The following FAM3C variants were observed in gnomAD, a reference collection of about 807,000 sequenced individuals.
The protein encoded by FAM3C is FAM3 metabolism regulating signaling molecule C, also known as protein FAM3C.
In FAM3C, 15 loss-of-function variants were observed where a neutral mutation model predicts 32.5. The observed-to-expected ratio is 0.46, with a 90% CI of 0.31 to 0.71. FAM3C has a LOEUF of 0.71. FAM3C is among the 30% of genes least tolerant of loss of function. The pLI is 0.05. For synonymous variants in FAM3C, 75 were observed against 86.1 expected (o/e 0.87, Z 0.72); for missense variants, 175 against 274.4 (o/e 0.64, Z 2.56).
chr7:121,389,762 C>CA (rs111461752), intron 1 of FAM3C, among the ~76,000 whole-genome samples: 4,258 of 126,688 alleles, frequency 0.034, 111 homozygotes, highest in South Asian at 0.16. Context: ...AGGAAAGTGG[C>CA]AAAAAAAAAA....
intron 1 of FAM3C, among the ~76,000 whole-genome samples, chr7:121,395,438 A>G (rs1445484407): frequency 6.6e-6 from 1 of 151,348 alleles, no homozygotes; most frequent in Admixed American, 6.6e-5. Context: ...TAGCAGTTCT[A>G]TATTACAGGC....
At chr7:121,368,779 G>A (rs989022335) in intron 5 of FAM3C, among the ~76,000 whole-genome samples, 6 of 151,862 alleles carry the variant, frequency 4.0e-5, no homozygotes, top group South Asian at 4.2e-4. Flanking sequence ...CCTCCTGCTC[G>A]AAGACCAAGG....
chr7:121,361,089 CTCATTTG>C (rs1347154402), intron 7 of FAM3C, among the ~76,000 whole-genome samples: 4 of 152,156 alleles, frequency 2.6e-5, no homozygotes, highest in African/African-American at 7.2e-5. Flanking sequence ...ACAGTCATTA[CTCATTTG>C]ATCTACCAAA....
intron 8 of FAM3C, 187 bp from the exon 9 acceptor site, chr7:121,351,456 C>A: frequency 2.0e-6 from 1 of 489,330 alleles, no homozygotes; most frequent in Non-Finnish European, 3.5e-6. Context: ...AAGACATGAA[C>A]TCCAACAATT....
At chr7:121,351,012 G>C in intron 9 of FAM3C, 131 bp downstream of exon 9, 1 of 877,082 alleles carries the variant, frequency 1.1e-6, no homozygotes, top group Non-Finnish European at 1.7e-6. Flanking sequence ...TGATTACCAA[G>C]AATTTATGAC....
chr7:121,357,225 G>C (rs1283775533), intron 8 of FAM3C, among the ~76,000 whole-genome samples: 1 of 152,148 alleles, frequency 6.6e-6, no homozygotes, highest in Non-Finnish European at 1.5e-5. Context: ...GACGACGAGA[G>C]AGAGAGAGTG....
intron 8 of FAM3C, among the ~76,000 whole-genome samples, chr7:121,354,328 C>G (rs1368290866): frequency 6.6e-6 from 1 of 152,036 alleles, no homozygotes; most frequent in Non-Finnish European, 1.5e-5. Flanking sequence ...AAATTTATGT[C>G]AAATATATTA....
At chr7:121,382,912 G>T (rs200243813) in intron 2 of FAM3C, 45 bp downstream of exon 2, 4 of 1,449,880 alleles carry the variant, frequency 2.8e-6, no homozygotes, top group Non-Finnish European at 2.9e-6. Flanking sequence ...TAACAAACAG[G>T]TTACACAAAA....
At chr7:121,392,318 A>G (rs1029345234) in intron 1 of FAM3C, among the ~76,000 whole-genome samples, 1 of 152,230 alleles carries the variant, frequency 6.6e-6, no homozygotes, top group Non-Finnish European at 1.5e-5. Flanking sequence ...AGGTGTCAGG[A>G]AACTTACAAT....
chr7:121,349,469 C>T lies in FAM3C; in HGVS notation c.*992G>A, dbSNP rs1210242757. The T allele has an allele frequency of 2.0e-5, 3 of 152,052 alleles. No individual in the cohort carries two copies. Among genetic ancestry groups the T allele is most frequent in the Non-Finnish European group, 4.4e-5 (3 of 68,024 alleles). The allele number at this position is 152,052 out of a possible 1,614,324, so 9.4% of individuals were successfully genotyped here. On this transcript the variant is annotated 3_prime_UTR_variant, in exon 10 of 10. Transcript: ENST00000359943. ...ATTTTTTAAATGTTATCAGTCCGCC[C>T]AGTAATAAGAACTTTTGTAAATATG...
At chr7:121,382,769 T>C (rs1037054669) in intron 2 of FAM3C, among the ~76,000 whole-genome samples, 188 bp downstream of exon 2, 1 of 151,652 alleles carries the variant, frequency 6.6e-6, no homozygotes, top group East Asian at 1.9e-4. Context: ...AAAAAAAAAA[T>C]TTATGTGATA....
Position 121,348,929 on chromosome 7 carries a change from T to TAA in FAM3C, c.*1530_*1531dup. 6.6e-6 allele frequency: 1 copy of TAA among 152,518 alleles called. No individual in the cohort carries two copies. 9.4% of individuals were successfully genotyped at this position (152,518 alleles called of 1,614,324 possible). A position where few individuals can be genotyped will look rare whatever the true frequency, so the allele number is the denominator to read the frequency against. On this transcript the variant is annotated 3_prime_UTR_variant, in exon 10 of 10. Coordinates refer to ENST00000359943, the MANE Select transcript of FAM3C (RefSeq NM_014888.3). ...ATTTATTTCACAATCCCTGGAACTG[T>TAA]AAAATAACTATTCTTTTAATTTACA...
intron 1 of FAM3C, among the ~76,000 whole-genome samples, chr7:121,390,862 G>T (rs1476149718): frequency 1.2e-4 from 4 of 32,908 alleles, no homozygotes; most frequent in Non-Finnish European, 3.0e-4. Context: ...GCGGGGGGGG[G>T]GGGGGGGGGG....
rs188940828 is a variant in FAM3C, at chr7:121,379,768, C to T, written c.14-754G>A. Among the ~76,000 whole-genome samples the T allele has an allele frequency of 1.6e-3, 238 of 152,196 alleles. 1 individual carries two copies. The highest frequency in any genetic ancestry group is 2.0e-3 in the Non-Finnish European group (138 of 68,014). On this transcript the variant is annotated intron_variant, in intron 2 of 9. Coordinates refer to ENST00000359943, the MANE Select transcript of FAM3C (RefSeq NM_014888.3). ...ACTCTACTGATAACTACATGGGGAGCGGGACAGGGAGTATGTAGAAAATCT... is the reference window on the plus strand; with the variant it reads ...ACTCTACTGATAACTACATGGGGAGTGGGACAGGGAGTATGTAGAAAATCT...
intron 5 of FAM3C, among the ~76,000 whole-genome samples, chr7:121,366,742 G>A (rs1794030583): frequency 6.6e-6 from 1 of 152,184 alleles, no homozygotes; most frequent in South Asian, 2.1e-4. Context: ...CTAGCTTGGA[G>A]CATATACATT....
At chr7:121,383,057 C>A in intron 1 of FAM3C, 47 bp from the exon 2 acceptor site, 1 of 1,011,158 alleles carries the variant, frequency 9.9e-7, no homozygotes, top group South Asian at 1.4e-5. Context: ...CTAGAGCAAA[C>A]ATTCCTCCTT....
chr7:121,384,648 A>G (rs1443333258), intron 1 of FAM3C, among the ~76,000 whole-genome samples: 2 of 152,184 alleles, frequency 1.3e-5, no homozygotes, highest in African/African-American at 2.4e-5. Flanking sequence ...ATCTCCCAAC[A>G]AACCTGTTTC....
At chr7:121,382,307 G>A (rs1359426521) in intron 2 of FAM3C, among the ~76,000 whole-genome samples, 5 of 152,072 alleles carry the variant, frequency 3.3e-5, no homozygotes, top group Non-Finnish European at 7.4e-5. Flanking sequence ...TTAATAAACA[G>A]ATTAAAGTTC....
chr7:121,390,221 T>C (rs1270343091), intron 1 of FAM3C, among the ~76,000 whole-genome samples: 1 of 152,208 alleles, frequency 6.6e-6, no homozygotes, highest in African/African-American at 2.4e-5. Context: ...ATTTTGCATC[T>C]TGCTTCCCTC....
Sources: gnomAD v4.1 joint callset for allele counts (sites outside exome capture counted in the v4.1 genomes callset) on GRCh38, gnomAD v4.1.1 for gene constraint, MANE v1.5 for transcripts, NCBI Gene and HGNC (gene_info 2026-07-23, HGNC 2026-07-21) for gene names.